CLIP1: variants seen among roughly 807,000 people sequenced by gnomAD.
CLIP1 encodes CAP-Gly domain-containing linker protein 1.
In CLIP1, 66 loss-of-function variants were observed where a neutral mutation model predicts 161.6. That is an observed-to-expected ratio of 0.41 (90% CI 0.33 to 0.50). The LOEUF is 0.50. Among genes scored for constraint, CLIP1 ranks in the 20% least tolerant of loss-of-function variants. The probability of loss-of-function intolerance (pLI) is 0.27; values close to 1 mark genes in which losing one functional copy is unlikely to be tolerated. For synonymous variants in CLIP1, 598 were observed against 626.2 expected (o/e 0.96, Z 0.67); for missense variants, 1,376 against 1,702.0 (o/e 0.81, Z 3.37).
At chr12:122,338,028 A>AACAAAAC (rs551715205) in intron 11 of CLIP1, among the ~76,000 whole-genome samples, 9 of 149,990 alleles carry the variant, frequency 6.0e-5, no homozygotes, top group Admixed American at 2.7e-4. Flanking sequence ...AAAAAAAAAA[A>AACAAAAC]CAAAACCAAA....
At chr12:122,367,225 C>A (rs1954216929) in intron 3 of CLIP1, among the ~76,000 whole-genome samples, 1 of 152,040 alleles carries the variant, frequency 6.6e-6, no homozygotes, top group African/African-American at 2.4e-5. Flanking sequence ...TCACAAATAA[C>A]AAATTAGCAA....
intron 1 of CLIP1, among the ~76,000 whole-genome samples, chr12:122,406,482 A>G (rs578259005): frequency 2.0e-5 from 3 of 152,314 alleles, no homozygotes; most frequent in African/African-American, 7.2e-5. Context: ...TTTATTTCCA[A>G]TTTCTAACTG....
chr12:122,369,209 C>G (rs1482621902), intron 3 of CLIP1, among the ~76,000 whole-genome samples: 1 of 151,968 alleles, frequency 6.6e-6, no homozygotes, highest in African/African-American at 2.4e-5. Flanking sequence ...TTAGTAGAGA[C>G]AGGGTTTCAC....
chr12:122,353,636 C>CT (rs200265709), intron 7 of CLIP1, among the ~76,000 whole-genome samples: 18,159 of 146,462 alleles, frequency 0.12, 1,412 homozygotes, highest in East Asian at 0.45. Context: ...ATAATGTTTT[C>CT]TTTTTTTTTT....
intron 1 of CLIP1, among the ~76,000 whole-genome samples, chr12:122,386,809 T>C (rs1256638678): frequency 1.6e-5 from 2 of 122,534 alleles, no homozygotes; most frequent in African/African-American, 6.1e-5. Flanking sequence ...AGACCAGCCC[T>C]GGGCAATATG....
chr12:122,404,825 G>A (rs559668906), intron 1 of CLIP1, among the ~76,000 whole-genome samples: 13 of 151,114 alleles, frequency 8.6e-5, no homozygotes, highest in Non-Finnish European at 1.5e-4. Context: ...GTGTGAACCC[G>A]GGAGGCGGAG....
At chr12:122,421,902 G>A (rs1566258700) in intron 1 of CLIP1, among the ~76,000 whole-genome samples, 1 of 152,250 alleles carries the variant, frequency 6.6e-6, no homozygotes, top group South Asian at 2.1e-4. Context: ...TTACCGGGCA[G>A]CGGTGTGATT....
At chr12:122,359,603 G>A (rs1431325821) in intron 5 of CLIP1, among the ~76,000 whole-genome samples, 1 of 152,172 alleles carries the variant, frequency 6.6e-6, no homozygotes, top group Non-Finnish European at 1.5e-5. Context: ...TAATTTTTCT[G>A]TTGAAGATGC....
intron 17 of CLIP1, among the ~76,000 whole-genome samples, 186 bp from the exon 18 acceptor site, chr12:122,319,534 G>A (rs1456858789): frequency 6.6e-6 from 1 of 152,258 alleles, no homozygotes; most frequent in Non-Finnish European, 1.5e-5. Context: ...TCTTTACTCT[G>A]AAGTAGAATA....
intron 15 of CLIP1, among the ~76,000 whole-genome samples, chr12:122,329,318 C>T (rs1951838510): frequency 6.6e-6 from 1 of 151,766 alleles, no homozygotes; most frequent in South Asian, 2.1e-4. Context: ...CAAAGCAAGA[C>T]TCTGCCTCAA....
intron 24 of CLIP1, chr12:122,274,908 G>C (rs149644796): frequency 0.018 from 2,745 of 152,242 alleles, 104 homozygotes; most frequent in Non-Finnish European, 0.018. Flanking sequence ...CTGGAGTGCA[G>C]TGGCTCGATC....
At chr12:122,332,913 T>G in intron 15 of CLIP1, 74 bp downstream of exon 15, 1 of 1,211,036 alleles carries the variant, frequency 8.3e-7, no homozygotes, top group Non-Finnish European at 1.2e-6. Flanking sequence ...CTAAACATTT[T>G]GTCTCCCCTC....
chr12:122,341,783 T>C (rs940902695), intron 10 of CLIP1, 86 bp from the exon 11 acceptor site: 24 of 736,958 alleles, frequency 3.3e-5, no homozygotes, highest in East Asian at 2.9e-4. Context: ...TTTTTTTTTT[T>C]TTTTTTTTTT....
At chr12:122,342,709 G>C (rs988814809) in intron 10 of CLIP1, 4 of 151,628 alleles carry the variant, frequency 2.6e-5, no homozygotes, top group Non-Finnish European at 4.4e-5. Context: ...GTCGCCTGTG[G>C]TAACAGGTAC....
At chr12:122,292,687 C>T (rs1339944699) in intron 20 of CLIP1, among the ~76,000 whole-genome samples, 1 of 152,150 alleles carries the variant, frequency 6.6e-6, no homozygotes, top group African/African-American at 2.4e-5. Context: ...AAAACTTCTA[C>T]TCTTCAAAAG....
At chr12:122,378,564 T>G (rs1283358358) in intron 2 of CLIP1, among the ~76,000 whole-genome samples, 2 of 152,296 alleles carry the variant, frequency 1.3e-5, no homozygotes, top group East Asian at 3.9e-4. Context: ...AATCAGTCCT[T>G]TTTCCAGGCC....
At chr12:122,410,226 A>G (rs1956478142) in intron 1 of CLIP1, among the ~76,000 whole-genome samples, 1 of 152,054 alleles carries the variant, frequency 6.6e-6, no homozygotes, top group Non-Finnish European at 1.5e-5. Flanking sequence ...CCTCGAGAGC[A>G]GGACACATGA....
intron 23 of CLIP1, 170 bp downstream of exon 23, chr12:122,278,622 G>A (rs539478834): frequency 2.3e-5 from 15 of 660,764 alleles, no homozygotes; most frequent in South Asian, 2.1e-4. Flanking sequence ...CCCCAGGAAC[G>A]GGGATGGCAG....
chr12:122,300,130 C>T (rs191548475), intron 20 of CLIP1, among the ~76,000 whole-genome samples: 3 of 152,180 alleles, frequency 2.0e-5, no homozygotes, highest in Non-Finnish European at 4.4e-5. Flanking sequence ...ATTAGCCAGG[C>T]ATAGTGGTAT....
Sources: gnomAD v4.1 joint callset for allele counts (sites outside exome capture counted in the v4.1 genomes callset) on GRCh38, gnomAD v4.1.1 for gene constraint, MANE v1.5 for transcripts, NCBI Gene and HGNC (gene_info 2026-07-23, HGNC 2026-07-21) for gene names.